Variants in VPS13A observed in about 807,000 individuals in gnomAD.
VPS13A encodes intermembrane lipid transfer protein VPS13A.
Under a neutral mutation model 390.9 loss-of-function variants are expected in VPS13A, and 264 were observed. The ratio of observed to expected loss-of-function variants is 0.68; its 90% CI spans 0.61 to 0.75. VPS13A has a LOEUF of 0.75. Among genes scored for constraint, VPS13A ranks in the 30% least tolerant of loss-of-function variants. The pLI is 0.00. For missense variants in VPS13A, 3,409 were observed against 3,733.9 expected (o/e 0.91, Z 2.27); for synonymous variants, 1,231 against 1,227.1 (o/e 1.00, Z -0.07).
At chr9:77,202,871 CCT>C (rs1245748977) in intron 3 of VPS13A, among the ~76,000 whole-genome samples, 4 of 152,228 alleles carry the variant, frequency 2.6e-5, no homozygotes, top group African/African-American at 9.6e-5. Context: ...TGTCGTAGCA[CCT>C]GTCTTTTAAA....
chr9:77,339,484 A>G, intron 47 of VPS13A, 32 bp from the exon 48 acceptor site: 4 of 1,397,206 alleles, frequency 2.9e-6, no homozygotes, highest in South Asian at 1.4e-5. Context: ...AACATTTTAA[A>G]TTTTGTTTTG....
chr9:77,298,580 T>C (rs1401475331), intron 33 of VPS13A, among the ~76,000 whole-genome samples: 1 of 152,088 alleles, frequency 6.6e-6, no homozygotes, highest in Admixed American at 6.6e-5. Flanking sequence ...CAACAGTCAG[T>C]TGGATTGAGA....
intron 68 of VPS13A, among the ~76,000 whole-genome samples, chr9:77,398,281 CATG>C (rs1834200990): frequency 6.6e-6 from 1 of 152,080 alleles, no homozygotes; most frequent in South Asian, 2.1e-4. Flanking sequence ...GAAGAAACAT[CATG>C]ATATGTTTGG....
chr9:77,255,851 T>A (rs1825407561), intron 22 of VPS13A, among the ~76,000 whole-genome samples: 1 of 152,138 alleles, frequency 6.6e-6, no homozygotes, highest in Admixed American at 6.5e-5. Context: ...GTAGTAATGT[T>A]ACCACTTTCA....
At chr9:77,197,208 A>G (rs1825054802) in intron 1 of VPS13A, among the ~76,000 whole-genome samples, 1 of 152,138 alleles carries the variant, frequency 6.6e-6, no homozygotes. Context: ...AGAATGTCCC[A>G]TGTGCACCTG....
At chr9:77,245,003 T>C (rs1345582316) in intron 19 of VPS13A, among the ~76,000 whole-genome samples, 1 of 152,182 alleles carries the variant, frequency 6.6e-6, no homozygotes, top group Non-Finnish European at 1.5e-5. Flanking sequence ...TGTAGAAAGC[T>C]GAATTGGTTC....
At chr9:77,362,262 G>A (rs1265645469) in intron 59 of VPS13A, among the ~76,000 whole-genome samples, 1 of 152,048 alleles carries the variant, frequency 6.6e-6, no homozygotes, top group Non-Finnish European at 1.5e-5. Flanking sequence ...TACGTTTTAC[G>A]AATTTTAAAG....
intron 35 of VPS13A, among the ~76,000 whole-genome samples, chr9:77,309,161 A>G (rs1030644119): frequency 5.3e-5 from 8 of 152,206 alleles, no homozygotes; most frequent in African/African-American, 1.9e-4. Context: ...AGCTCACCCA[A>G]GGATAGGAGA....
chr9:77,292,191 C>T (rs948137913), intron 31 of VPS13A, among the ~76,000 whole-genome samples: 3 of 152,136 alleles, frequency 2.0e-5, no homozygotes, highest in Non-Finnish European at 4.4e-5. Flanking sequence ...ACCCATCTCC[C>T]GTCTTTCTCA....
chr9:77,178,292 CG>C, intron 1 of VPS13A: 1 of 154,666 alleles, frequency 6.5e-6, no homozygotes. Flanking sequence ...GCGCTGTGAC[CG>C]GGGACGCCCG....
At chr9:77,184,512 G>A (rs2131053811) in intron 1 of VPS13A, among the ~76,000 whole-genome samples, 1 of 152,224 alleles carries the variant, frequency 6.6e-6, no homozygotes, top group East Asian at 1.9e-4. Context: ...CCAGCTACTT[G>A]GGAGGCTGAG....
At position 77,225,920 on chromosome 9, in the gene VPS13A, T is replaced by C. The variant is rs1823480245; in HGVS notation, c.1162-6T>C. ...AAGTTAACACATTTTTGTTTATATT[T>C]TTCAGGAGTTGGAAAAAACCTTGGA... On this transcript the variant is annotated splice_region_variant and splice_polypyrimidine_tract_variant and intron_variant, in intron 13 of 71. Transcript: ENST00000360280. 2.5e-6 allele frequency: 4 copies of C among 1,607,684 alleles called. No individual in the cohort carries two copies. In the East Asian group the frequency reaches 9.0e-5, roughly 36 times the overall value.
intron 35 of VPS13A, among the ~76,000 whole-genome samples, chr9:77,312,175 AAAAC>A (rs1256435625): frequency 6.6e-6 from 1 of 152,188 alleles, no homozygotes; most frequent in Admixed American, 6.5e-5. Flanking sequence ...CAACAAAAGA[AAAAC>A]AGAGAAAATG....
rs549934747 is a variant in VPS13A, at chr9:77,210,530, C to T, written c.496-86C>T. On this transcript the variant is annotated intron_variant, in intron 6 of 71. Coordinates refer to ENST00000360280, the MANE Select transcript of VPS13A (RefSeq NM_033305.3). ...GAGTGCTGGGATTACAGATGGGAGCCGCTGCACATTGACAGTTTTTTCTAT... is the reference window on the plus strand; with the variant it reads ...GAGTGCTGGGATTACAGATGGGAGCTGCTGCACATTGACAGTTTTTTCTAT... 882 of 1,310,820 alleles carry T rather than the reference C, an allele frequency of 6.7e-4. 7 individuals carry two copies. In the South Asian group the frequency reaches 0.01, roughly 15 times the overall value. 81.2% of individuals were successfully genotyped at this position (1,310,820 alleles called of 1,614,324 possible).
chr9:77,373,107 A>C (rs1415778467), intron 67 of VPS13A, among the ~76,000 whole-genome samples: 11 of 152,232 alleles, frequency 7.2e-5, no homozygotes, highest in Admixed American at 2.6e-4. Flanking sequence ...GCTACCAATG[A>C]CTTTCTTCAC....
Position 77,332,034 on chromosome 9 carries a change from C to G in VPS13A, c.6016C>G (p.Leu2006Val). 6.2e-7 allele frequency: 1 copy of G among 1,610,954 alleles called. No homozygotes were observed. Among genetic ancestry groups the G allele is most frequent in the South Asian group, 1.1e-5 (1 of 90,872 alleles). ...GATAAGAAATCATTTTTCAGTCCCA[C>G]TGTCTGTTTACGAAGGGGATACCTT... ...VQIRNHFSVP[L>V]SVYEGDTLLG... Residue 2006 changes from leucine to valine, a missense_variant, in exon 46 of 72, where the codon CTG (leucine) becomes GTG (valine). Transcript: ENST00000360280.
chr9:77,195,109 A>C (rs1159532528), intron 1 of VPS13A, among the ~76,000 whole-genome samples: 2 of 152,008 alleles, frequency 1.3e-5, no homozygotes, highest in African/African-American at 4.8e-5. Flanking sequence ...TCAGTTTTAC[A>C]TTTAGCTCTT....
chr9:77,333,062 A>C (rs1462224420), intron 46 of VPS13A, among the ~76,000 whole-genome samples: 1 of 152,224 alleles, frequency 6.6e-6, no homozygotes, highest in African/African-American at 2.4e-5. Flanking sequence ...ATAGTCATTT[A>C]CAGTATCTGA....
intron 65 of VPS13A, 74 bp from the exon 66 acceptor site, chr9:77,370,816 T>C: frequency 1.3e-6 from 2 of 1,584,682 alleles, no homozygotes; most frequent in South Asian, 1.1e-5. Flanking sequence ...CTGTATTTTT[T>C]GTGTAATCCA....
Sources: gnomAD v4.1 joint callset for allele counts (sites outside exome capture counted in the v4.1 genomes callset) on GRCh38, gnomAD v4.1.1 for gene constraint, MANE v1.5 for transcripts, NCBI Gene and HGNC (gene_info 2026-07-23, HGNC 2026-07-21) for gene names.